CLEC2L: variants seen among roughly 807,000 people sequenced by gnomAD.
CLEC2L encodes the protein C-type lectin domain family 2, member L.
In CLEC2L, 14 loss-of-function variants were observed where a neutral mutation model predicts 23.6. The ratio of observed to expected loss-of-function variants is 0.59; its 90% CI spans 0.39 to 0.93. The LOEUF (loss-of-function observed/expected upper bound fraction) is 0.93. CLEC2L is among the 40% of genes least tolerant of loss of function. CLEC2L has a pLI of 0.00. For missense variants in CLEC2L, 264 were observed against 282.4 expected, an observed-to-expected ratio of 0.93 and a Z score of 0.47; for synonymous variants, 114 against 121.3, an observed-to-expected ratio of 0.94 and a Z score of 0.40.
intron 1 of CLEC2L, chr7:139,534,600 A>G: frequency 1.4e-6 from 1 of 707,274 alleles, no homozygotes; most frequent in African/African-American, 1.7e-5. Flanking sequence ...CTTGGAACAC[A>G]GGTGAGTACG....
At position 139,544,329 on chromosome 7, in the gene CLEC2L, T is replaced by G. The variant is rs781222359; in HGVS notation, c.632T>G (p.Met211Arg). 1.9e-6 allele frequency: 3 copies of G among 1,611,418 alleles called. No homozygotes were observed. Among genetic ancestry groups the G allele is most frequent in the Non-Finnish European group, 2.5e-6 (3 of 1,178,600 alleles). ...LMTRPWVCSK[M>R]AYT The stretch of plus-strand genomic sequence containing the variant: ...ACCCGGCCCTGGGTGTGCAGCAAGA[T>G]GGCCTATACTTGAGGTGGGTGGGGC... The change falls in exon 5 of 5, where the codon ATG (methionine) becomes AGG (arginine). Residue 211 changes from methionine to arginine, a missense_variant. Coordinates refer to ENST00000422142, the MANE Select transcript of CLEC2L (RefSeq NM_001080511.4).
At chr7:139,541,328 GA>G (rs540650022) in intron 3 of CLEC2L, among the ~76,000 whole-genome samples, 66 of 143,982 alleles carry the variant, frequency 4.6e-4, no homozygotes, top group East Asian at 1.4e-3. Flanking sequence ...GTCTCTTAAG[GA>G]AAAAAAAAAA....
chr7:139,533,647 C>A (rs574743040), intron 1 of CLEC2L, among the ~76,000 whole-genome samples: 1 of 152,178 alleles, frequency 6.6e-6, no homozygotes, highest in African/African-American at 2.4e-5. Context: ...TGAGCCACTG[C>A]GCTCTGCACT....
intron 2 of CLEC2L, among the ~76,000 whole-genome samples, chr7:139,538,755 AC>A (rs1374469481): frequency 1.9e-4 from 10 of 53,400 alleles, no homozygotes. Flanking sequence ...TCTCAAAAAA[AC>A]AAAACAAAAC....
At chr7:139,528,832 G>A (rs1472251346) in intron 1 of CLEC2L, among the ~76,000 whole-genome samples, 1 of 152,174 alleles carries the variant, frequency 6.6e-6, no homozygotes, top group Non-Finnish European at 1.5e-5. Flanking sequence ...CCCCTGCAGA[G>A]GTCAGAGGAA....
chr7:139,525,122 C>A (rs1047127559), intron 1 of CLEC2L, among the ~76,000 whole-genome samples: 7 of 152,090 alleles, frequency 4.6e-5, no homozygotes, highest in Non-Finnish European at 1.5e-5. Context: ...AGGACCCAGA[C>A]GGTGAAGGGC....
At chr7:139,544,124 G>T (rs1313541896) in intron 4 of CLEC2L, 107 bp from the exon 5 acceptor site, 11 of 729,662 alleles carry the variant, frequency 1.5e-5, no homozygotes, top group Non-Finnish European at 2.4e-5. Flanking sequence ...CTCCAGTGAT[G>T]AAGTGAGGGA....
Position 139,526,418 on chromosome 7 carries a change from A to G in CLEC2L, c.190+2301A>G, listed in dbSNP as rs1797507597. Reference sequence around the variant, plus strand: ...GTCCTCTTCTGGAGGACCCAGAAGAAAGGAGCTCATGGAGCAGGGCTGCTC... The same window carrying G: ...GTCCTCTTCTGGAGGACCCAGAAGAGAGGAGCTCATGGAGCAGGGCTGCTC... On this transcript the variant is annotated intron_variant, in intron 1 of 4. Transcript: ENST00000422142. 2.0e-5 allele frequency among the ~76,000 whole-genome samples: 3 copies of G among 152,274 alleles called. 1 individual carries two copies. The South Asian group carries it at 6.2e-4, about 32-fold the overall frequency.
intron 4 of CLEC2L, 102 bp from the exon 5 acceptor site, chr7:139,544,129 G>T (rs1797774680): frequency 4.0e-6 from 3 of 757,866 alleles, no homozygotes; most frequent in Admixed American, 2.2e-5. Context: ...GTGATGAAGT[G>T]AGGGAGGGAT....
Position 139,540,565 on chromosome 7 carries a change from C to G in CLEC2L, c.432+78C>G. 1 of 1,487,662 alleles carries G rather than the reference C, an allele frequency of 6.7e-7. No individual in the cohort carries two copies. The highest frequency in any genetic ancestry group is 9.1e-7 in the Non-Finnish European group (1 of 1,093,528). The allele number at this position is 1,487,662 out of a possible 1,614,324, so 92.2% of individuals were successfully genotyped here. A position where few individuals can be genotyped will look rare whatever the true frequency, so the allele number is the denominator to read the frequency against. Reference sequence around the variant, plus strand: ...ACCTTGACTCTAGGGGACAGCCACACAGTAAAGGATGCAGTGTTCCCTGTG... The same window carrying G: ...ACCTTGACTCTAGGGGACAGCCACAGAGTAAAGGATGCAGTGTTCCCTGTG... On this transcript the variant is annotated intron_variant, in intron 3 of 4. Transcript: ENST00000422142. This position sits in a 1 kb window ranked among gnomAD's most constrained non-coding sequence, Gnocchi z 5.8.
intron 4 of CLEC2L, among the ~76,000 whole-genome samples, chr7:139,542,431 G>C (rs926486035): frequency 6.6e-6 from 1 of 152,234 alleles, no homozygotes; most frequent in Non-Finnish European, 1.5e-5. Context: ...GCTCCACTCA[G>C]TGTGGCGCAA....
intron 2 of CLEC2L, among the ~76,000 whole-genome samples, chr7:139,536,824 A>C (rs1019187274): frequency 1.3e-5 from 2 of 151,786 alleles, no homozygotes; most frequent in African/African-American, 4.8e-5. Context: ...AAAGTGCAAA[A>C]ATTAGCCAGG....
intron 1 of CLEC2L, among the ~76,000 whole-genome samples, chr7:139,526,231 C>A (rs1021007123): frequency 6.6e-6 from 1 of 152,082 alleles, no homozygotes; most frequent in Admixed American, 6.5e-5. Context: ...GGGAAAGGAG[C>A]CTGAGAGGAG....
intron 1 of CLEC2L, among the ~76,000 whole-genome samples, chr7:139,525,459 G>A (rs1438423921): frequency 6.6e-6 from 1 of 152,122 alleles, no homozygotes; most frequent in African/African-American, 2.4e-5. Flanking sequence ...GACAGAGGAG[G>A]CGAAGATGTT....
intron 4 of CLEC2L, among the ~76,000 whole-genome samples, chr7:139,543,638 G>A (rs1276447795): frequency 6.6e-6 from 1 of 152,242 alleles, no homozygotes; most frequent in African/African-American, 2.4e-5. Context: ...ATGTCAATGA[G>A]TTCCTGTGCA....
Position 139,536,298 on chromosome 7 carries a change from G to A in CLEC2L, c.215G>A (p.Gly72Asp). The A allele has an allele frequency of 6.4e-7, 1 of 1,551,516 alleles. No homozygotes were observed. Among genetic ancestry groups the A allele is most frequent in the Non-Finnish European group, 8.7e-7 (1 of 1,146,876 alleles). ...GACACCACCACACGCCTCCTGCTGG[G>A]TGCCATCGCGGTCCTTCTGTTCGCC... The part of the protein sequence containing the change: ...LEDTTTRLLL[G>D]AIAVLLFAIL... Residue 72 changes from glycine to aspartate, a missense_variant, in exon 2 of 5, where the codon GGT (glycine) becomes GAT (aspartate). Physicochemically the swap from Gly to Asp is moderately conservative, Grantham distance 94. Transcript: ENST00000422142.
At position 139,527,688 on chromosome 7, in the gene CLEC2L, T is replaced by C. The variant is rs377597278; in HGVS notation, c.190+3571T>C. Among the ~76,000 whole-genome samples the C allele has an allele frequency of 2.6e-5, 4 of 152,034 alleles. No individual in the cohort carries two copies. In the East Asian group the frequency reaches 7.7e-4, roughly 29 times the overall value. Reference sequence around the variant, plus strand: ...AGAGTGGCAGTGGGGCAGAGTGGCCTGGGGGTATGGGAGAGGGGACAGAGT... The same window carrying C: ...AGAGTGGCAGTGGGGCAGAGTGGCCCGGGGGTATGGGAGAGGGGACAGAGT... On this transcript the variant is annotated intron_variant, in intron 1 of 4. Coordinates refer to ENST00000422142, the MANE Select transcript of CLEC2L (RefSeq NM_001080511.4).
intron 4 of CLEC2L, among the ~76,000 whole-genome samples, chr7:139,543,917 T>C (rs981610202): frequency 6.6e-6 from 1 of 151,642 alleles, no homozygotes; most frequent in Admixed American, 6.6e-5. Context: ...GGGCAGAGAG[T>C]GGCCCTGAAC....
Position 139,524,849 on chromosome 7 carries a change from T to C in CLEC2L, c.190+732T>C, listed in dbSNP as rs181507964. ...GCTTCTCAGGGTGCTCCTGGCACCC[T>C]GAATCCAAGGACAAGGAGGACCTGG... On this transcript the variant is annotated intron_variant, in intron 1 of 4. Transcript: ENST00000422142. Among the ~76,000 whole-genome samples, 480 of 152,270 alleles carry C rather than the reference T, an allele frequency of 3.2e-3. 3 individuals carry two copies. Among genetic ancestry groups the C allele is most frequent in the Non-Finnish European group, 4.1e-3 (280 of 68,010 alleles).
Sources: allele counts gnomAD v4.1 joint callset (sites outside exome capture counted in the v4.1 genomes callset), GRCh38; gene constraint gnomAD v4.1.1; non-coding constraint Gnocchi (gnomAD v3.1); transcripts MANE v1.5; gene names NCBI Gene and HGNC (gene_info 2026-07-23, HGNC 2026-07-21).